Variants in PLXDC2 observed in about 807,000 individuals in gnomAD.
PLXDC2 encodes the protein plexin domain containing 2.
In PLXDC2, 40 loss-of-function variants were observed where a neutral mutation model predicts 68.9. The ratio of observed to expected loss-of-function variants is 0.58; its 90% CI spans 0.45 to 0.76. The LOEUF is 0.76. Ranked by LOEUF, PLXDC2 falls within the 30% of genes least tolerant of loss-of-function variation. The probability of loss-of-function intolerance (pLI) is 0.00; values close to 1 mark genes in which losing one functional copy is unlikely to be tolerated. For synonymous variants in PLXDC2, 243 were observed against 234.2 expected (o/e 1.04, Z -0.34); for missense variants, 644 against 661.9 (o/e 0.97, Z 0.30).
At chr10:20,260,252 A>C (rs1835793482) in intron 13 of PLXDC2, among the ~76,000 whole-genome samples, 1 of 152,162 alleles carries the variant, frequency 6.6e-6, no homozygotes, top group Admixed American at 6.5e-5. Context: ...TGTGCAATGC[A>C]ATGTTGTTAA....
chr10:19,859,340 C>T (rs560300275), intron 1 of PLXDC2, among the ~76,000 whole-genome samples: 4 of 152,286 alleles, frequency 2.6e-5, no homozygotes, highest in Admixed American at 2.0e-4. Flanking sequence ...AAACCACAAA[C>T]TCTCTAATGC....
chr10:19,851,807 C>G (rs1251640500), intron 1 of PLXDC2, among the ~76,000 whole-genome samples: 1 of 152,186 alleles, frequency 6.6e-6, no homozygotes, highest in Non-Finnish European at 1.5e-5. Context: ...CTTGGCCTCC[C>G]AAAGTGCTGG....
intron 1 of PLXDC2, among the ~76,000 whole-genome samples, chr10:19,989,872 C>T (rs1041723308): frequency 6.6e-6 from 1 of 151,672 alleles, no homozygotes; most frequent in Non-Finnish European, 1.5e-5. Flanking sequence ...GCCTCAGCCT[C>T]ACGAGTAGCT....
intron 1 of PLXDC2, among the ~76,000 whole-genome samples, chr10:19,865,042 T>G (rs1837388857): frequency 6.6e-6 from 1 of 152,192 alleles, no homozygotes; most frequent in African/African-American, 2.4e-5. Flanking sequence ...TCAATGTGGC[T>G]GGAGGAGGTT....
intron 4 of PLXDC2, among the ~76,000 whole-genome samples, chr10:20,095,130 A>G (rs1428290752): frequency 6.6e-6 from 1 of 152,220 alleles, no homozygotes; most frequent in African/African-American, 2.4e-5. Flanking sequence ...AATATTTCCA[A>G]AATATAATTT....
chr10:19,821,252 A>C (rs2131994258), intron 1 of PLXDC2, among the ~76,000 whole-genome samples: 2 of 152,234 alleles, frequency 1.3e-5, no homozygotes, highest in South Asian at 4.1e-4. Flanking sequence ...CTCTCACCAG[A>C]TGAGCTGCTG....
intron 12 of PLXDC2, among the ~76,000 whole-genome samples, chr10:20,240,062 T>A (rs1367460295): frequency 6.6e-6 from 1 of 152,206 alleles, no homozygotes; most frequent in Non-Finnish European, 1.5e-5. Flanking sequence ...GGTAGTTTTT[T>A]AATCCTCACC....
At chr10:19,972,850 C>T (rs1564643962) in intron 1 of PLXDC2, among the ~76,000 whole-genome samples, 1 of 152,102 alleles carries the variant, frequency 6.6e-6, no homozygotes, top group Non-Finnish European at 1.5e-5. Flanking sequence ...CCTTAGGGTG[C>T]TTTTTACTGC....
chr10:19,921,112 C>CTTT (rs57207021), intron 1 of PLXDC2, among the ~76,000 whole-genome samples: 8 of 137,542 alleles, frequency 5.8e-5, no homozygotes, highest in Non-Finnish European at 9.4e-5. Context: ...TTTTCTTCTT[C>CTTT]TTTTTTTTTT....
intron 4 of PLXDC2, among the ~76,000 whole-genome samples, chr10:20,074,705 G>A (rs1023032253): frequency 2.6e-5 from 4 of 152,050 alleles, no homozygotes; most frequent in Non-Finnish European, 5.9e-5. Flanking sequence ...TTAATAACAG[G>A]AATAAAAGGC....
chr10:19,980,182 T>C (rs1231451150), intron 1 of PLXDC2, among the ~76,000 whole-genome samples: 1 of 152,216 alleles, frequency 6.6e-6, no homozygotes, highest in African/African-American at 2.4e-5. Context: ...CAAGATGTTC[T>C]TGTTTGTTTG....
intron 1 of PLXDC2, among the ~76,000 whole-genome samples, chr10:19,944,028 C>A (rs893916651): frequency 6.6e-6 from 1 of 152,070 alleles, no homozygotes; most frequent in African/African-American, 2.4e-5. Context: ...TTTCCCGTAG[C>A]GATGATGCAG....
At chr10:20,276,733 C>T (rs1329299971) in intron 13 of PLXDC2, among the ~76,000 whole-genome samples, 1 of 152,068 alleles carries the variant, frequency 6.6e-6, no homozygotes, top group Non-Finnish European at 1.5e-5. Flanking sequence ...AGATTTGGAA[C>T]TGTCTAGGCC....
In PLXDC2 at chr10:19,916,379, C is replaced by A. The variant is rs914850508; in HGVS notation, c.113-85396C>A. Among the ~76,000 whole-genome samples the A allele has an allele frequency of 4.0e-5, 6 of 150,480 alleles. 1 individual carries two copies. In the Admixed American group the frequency reaches 4.0e-4, roughly 10 times the overall value. On this transcript the variant is annotated intron_variant, in intron 1 of 13. Coordinates refer to ENST00000377252, the MANE Select transcript of PLXDC2 (RefSeq NM_032812.9). ...GGCCAAACTGGTCTTGAACTCCTGA[C>A]CTCAGGTGATCCGCCCACCTTAGCC...
At chr10:19,862,740 T>C (rs1239469990) in intron 1 of PLXDC2, among the ~76,000 whole-genome samples, 1 of 152,204 alleles carries the variant, frequency 6.6e-6, no homozygotes, top group Non-Finnish European at 1.5e-5. Flanking sequence ...TGGAAGTAAA[T>C]GGTGTAGGAT....
At chr10:20,158,108 T>A (rs565707496) in intron 6 of PLXDC2, among the ~76,000 whole-genome samples, 2 of 152,192 alleles carry the variant, frequency 1.3e-5, no homozygotes, top group African/African-American at 4.8e-5. Flanking sequence ...ATTATTTCAG[T>A]TTGGCTTCCT....
chr10:19,870,334 A>G (rs1837511746), intron 1 of PLXDC2, among the ~76,000 whole-genome samples: 1 of 152,246 alleles, frequency 6.6e-6, no homozygotes, highest in Non-Finnish European at 1.5e-5. Flanking sequence ...AAGGTGATGA[A>G]TTAACTGAAA....
intron 1 of PLXDC2, among the ~76,000 whole-genome samples, chr10:19,990,027 T>G (rs1164060176): frequency 6.6e-6 from 1 of 151,968 alleles, no homozygotes; most frequent in Non-Finnish European, 1.5e-5. Flanking sequence ...GGATTACAGG[T>G]GTGAGCCACC....
chr10:20,044,094 C>CCCTTCCTTCCTT (rs376988347), intron 2 of PLXDC2, among the ~76,000 whole-genome samples: 7,342 of 32,852 alleles, frequency 0.22, 1,746 homozygotes, highest in African/African-American at 0.36. Flanking sequence ...TGGCTTTTTC[C>CCCTTCCTTCCTT]CCTTCCTTCC....
Sources: gnomAD v4.1 joint callset for allele counts (sites outside exome capture counted in the v4.1 genomes callset) on GRCh38, gnomAD v4.1.1 for gene constraint, MANE v1.5 for transcripts, NCBI Gene and HGNC (gene_info 2026-07-23, HGNC 2026-07-21) for gene names.